Variants in DENND2B observed in about 807,000 individuals in gnomAD.
The protein encoded by DENND2B is DENN domain-containing protein 2B.
A neutral mutation model predicts 116.0 loss-of-function variants in DENND2B; 32 were observed. That is an observed-to-expected ratio of 0.28 (90% CI 0.21 to 0.37). DENND2B has a LOEUF of 0.37. Ranked by LOEUF, DENND2B falls within the 10% of genes least tolerant of loss-of-function variation. DENND2B has a pLI of 1.00. For synonymous variants in DENND2B, 588 were observed against 583.9 expected, an observed-to-expected ratio of 1.01 and a Z score of -0.10; for missense variants, 1,276 against 1,477.7, an observed-to-expected ratio of 0.86 and a Z score of 2.24.
chr11:8,775,291 C>T (rs1286791011), intron 1 of DENND2B, among the ~76,000 whole-genome samples: 1 of 152,152 alleles, frequency 6.6e-6, no homozygotes, highest in East Asian at 1.9e-4. Context: ...ACAAGAATGT[C>T]AAATACTTAA....
Position 8,828,661 on chromosome 11 carries a change from G to C in DENND2B, c.-115+10649C>G, listed in dbSNP as rs117549786. On this transcript the variant is annotated intron_variant, in intron 4 of 6. Coordinates refer to the DENND2B transcript ENST00000524757. ...GGAAACAAGGACTCGGAGGTGACCA[G>C]CTGCAGAGGTGAGCAAAGCTCCAGA... Among the ~76,000 whole-genome samples, 11 of 152,278 alleles carry C rather than the reference G, an allele frequency of 7.2e-5. No homozygotes were observed. In the South Asian group the frequency reaches 2.1e-3, roughly 29 times the overall value.
intron 4 of DENND2B, among the ~76,000 whole-genome samples, chr11:8,837,082 T>C (rs992043841): frequency 1.1e-4 from 16 of 151,842 alleles, no homozygotes; most frequent in African/African-American, 2.9e-4. Flanking sequence ...ACTTTGGAGA[T>C]TGTCTTTGTC....
chr11:8,707,259 G>C lies in DENND2B; in HGVS notation c.2431-34C>G. ...ACCGCCAGCAGCCCAAAGAGGAAGGGTGTCAGGGCACTGCCCTTCCCCCTC... is the reference window on the plus strand; with the variant it reads ...ACCGCCAGCAGCCCAAAGAGGAAGGCTGTCAGGGCACTGCCCTTCCCCCTC... On this transcript the variant is annotated intron_variant, in intron 12 of 19. Transcript: ENST00000313726. The surrounding 1 kb of genome is among the most constrained non-coding windows in gnomAD (Gnocchi z 4.8). 1.3e-6 allele frequency: 2 copies of C among 1,594,180 alleles called. No homozygotes were observed. Among genetic ancestry groups the C allele is most frequent in the Non-Finnish European group, 1.7e-6 (2 of 1,166,556 alleles).
upstream of DENND2B, chr11:8,811,037 TA>T (rs1205507211): frequency 2.2e-5 from 8 of 361,740 alleles, no homozygotes; most frequent in East Asian, 3.2e-4. Context: ...TCTCATTTTT[TA>T]TAACTTGGAA....
intron 1 of DENND2B, among the ~76,000 whole-genome samples, chr11:8,775,270 GA>G (rs1297029250): frequency 6.6e-6 from 1 of 151,994 alleles, no homozygotes. Context: ...TTATCTCCTT[GA>G]AAATCACTCA....
At chr11:8,801,991 T>C (rs1480307882) in intron 1 of DENND2B, among the ~76,000 whole-genome samples, 2 of 92,752 alleles carry the variant, frequency 2.2e-5, no homozygotes, top group Non-Finnish European at 4.1e-5. Flanking sequence ...GGCCCTCTCT[T>C]GGGGAAAAAA....
At chr11:8,808,774 T>C (rs1485877031) in intron 1 of DENND2B, 1 of 152,174 alleles carries the variant, frequency 6.6e-6, no homozygotes, top group Non-Finnish European at 1.5e-5. Context: ...AAGTTGTTCT[T>C]ATTACCTCCA....
intron 14 of DENND2B, chr11:8,700,056 A>C (rs1255377914): frequency 2.3e-6 from 1 of 429,698 alleles, no homozygotes; most frequent in Non-Finnish European, 4.7e-6. Flanking sequence ...GCCCCACGGG[A>C]GCTGGCCTGG....
chr11:8,905,133 A>C (rs192713631), intron 1 of DENND2B, among the ~76,000 whole-genome samples: 2 of 152,246 alleles, frequency 1.3e-5, no homozygotes, highest in Non-Finnish European at 2.9e-5. Flanking sequence ...ATACTTCCCA[A>C]TTTCCAAACT....
chr11:8,904,049 T>G (rs188167680), intron 1 of DENND2B, among the ~76,000 whole-genome samples: 11 of 152,210 alleles, frequency 7.2e-5, no homozygotes, highest in African/African-American at 2.6e-4. Flanking sequence ...CTACACACTC[T>G]TCCAAGAAAT....
intron 1 of DENND2B, among the ~76,000 whole-genome samples, chr11:8,806,271 T>C (rs1381630140): frequency 6.6e-6 from 1 of 152,118 alleles, no homozygotes; most frequent in Non-Finnish European, 1.5e-5. Flanking sequence ...CATCTCCAGC[T>C]CACACACAAC....
intron 2 of DENND2B, among the ~76,000 whole-genome samples, chr11:8,876,953 G>T (rs1286504732): frequency 7.0e-6 from 1 of 143,500 alleles, no homozygotes; most frequent in Admixed American, 7.1e-5. Context: ...TGGGCAGGCT[G>T]GATCTGAGAG....
chr11:8,725,377 T>TAC (rs1418551238), intron 4 of DENND2B, among the ~76,000 whole-genome samples: 52 of 114,970 alleles, frequency 4.5e-4, no homozygotes, highest in Non-Finnish European at 2.8e-4. Context: ...AAATATTACT[T>TAC]TTTTTTTTTT....
At chr11:8,699,714 A>G (rs1365775001) in intron 14 of DENND2B, 4 of 421,774 alleles carry the variant, frequency 9.5e-6, no homozygotes, top group Non-Finnish European at 1.8e-5. Context: ...CTGAGGAGGC[A>G]GTAGGTTTTG....
At chr11:8,803,206 G>A (rs1004188368) in intron 1 of DENND2B, among the ~76,000 whole-genome samples, 1 of 151,842 alleles carries the variant, frequency 6.6e-6, no homozygotes, top group Non-Finnish European at 1.5e-5. Context: ...CCAACATGGT[G>A]AAACCCCGTC....
At chr11:8,842,579 T>C (rs1434143346) in intron 3 of DENND2B, among the ~76,000 whole-genome samples, 2 of 152,164 alleles carry the variant, frequency 1.3e-5, no homozygotes, top group Non-Finnish European at 2.9e-5. Context: ...TTGGAGTGCA[T>C]TCAATCTGCC....
At chr11:8,796,900 T>C (rs768987014) in intron 1 of DENND2B, among the ~76,000 whole-genome samples, 12 of 152,206 alleles carry the variant, frequency 7.9e-5, no homozygotes, top group Non-Finnish European at 2.9e-5. Flanking sequence ...GTTGTTTATA[T>C]GGACTCGCAT....
chr11:8,909,440 A>AG (rs2064284567), intron 1 of DENND2B, among the ~76,000 whole-genome samples: 1 of 45,060 alleles, frequency 2.2e-5, no homozygotes, highest in Admixed American at 3.7e-4. Context: ...AGGAGGAGGA[A>AG]GAAGGAGAAG....
intron 1 of DENND2B, among the ~76,000 whole-genome samples, chr11:8,789,856 G>A (rs1230311728): frequency 6.6e-6 from 1 of 152,228 alleles, no homozygotes; most frequent in African/African-American, 2.4e-5. Flanking sequence ...TCAGGAGGCT[G>A]AGGCCCCCAC....
Sources: allele counts gnomAD v4.1 joint callset (sites outside exome capture counted in the v4.1 genomes callset), GRCh38; gene constraint gnomAD v4.1.1; non-coding constraint Gnocchi (gnomAD v3.1); transcripts MANE v1.5; gene names NCBI Gene and HGNC (gene_info 2026-07-23, HGNC 2026-07-21).